PTPRN2: variants seen among roughly 807,000 people sequenced by gnomAD.
The protein encoded by PTPRN2 is receptor-type tyrosine-protein phosphatase N2.
In PTPRN2, 74 loss-of-function variants were observed where a neutral mutation model predicts 118.8. The ratio of observed to expected loss-of-function variants is 0.62; its 90% confidence interval spans 0.52 to 0.76. The LOEUF is 0.76. PTPRN2 is among the 30% of genes least tolerant of loss of function. The pLI is 0.00. For synonymous variants in PTPRN2, 641 were observed against 608.0 expected (o/e 1.05, Z -0.80); for missense variants, 1,481 against 1,394.4 (o/e 1.06, Z -0.99).
Position 158,059,356 on chromosome 7 carries a change from C to T in PTPRN2, c.1723+21942G>A, listed in dbSNP as rs1214900977. Among the ~76,000 whole-genome samples the T allele has an allele frequency of 2.0e-4, 26 of 130,218 alleles. 1 individual carries two copies. Among genetic ancestry groups the T allele is most frequent in the African/African-American group, 8.6e-4 (24 of 28,044 alleles). The allele number at this position is 130,218 out of a possible 152,430, so 85.4% of individuals were successfully genotyped here. A position where few individuals can be genotyped will look rare whatever the true frequency, so the allele number is the denominator to read the frequency against. ...TCACTGCAGCCACACTCCATCTGCA[C>T]ACGGTGACGCATCACTGCAGCCACA... On this transcript the variant is annotated intron_variant, in intron 11 of 22. Transcript: ENST00000389418.
At chr7:158,321,731 G>C (rs530628096) in intron 2 of PTPRN2, among the ~76,000 whole-genome samples, 1 of 152,352 alleles carries the variant, frequency 6.6e-6, no homozygotes, top group Non-Finnish European at 1.5e-5. Context: ...TATGAAAACT[G>C]TGGGCTCCCT....
intron 22 of PTPRN2, among the ~76,000 whole-genome samples, chr7:157,544,119 A>ACGGAGAGAGG (rs1563198774): frequency 7.5e-6 from 1 of 132,628 alleles, no homozygotes; most frequent in Non-Finnish European, 1.6e-5. Flanking sequence ...GTGGAGAGAG[A>ACGGAGAGAGG]TGGAGAGAGG....
intron 12 of PTPRN2, among the ~76,000 whole-genome samples, chr7:157,853,928 G>C (rs1007658641): frequency 1.3e-5 from 2 of 152,158 alleles, no homozygotes; most frequent in South Asian, 4.1e-4. Context: ...ATGCGGACAC[G>C]GGGCAGCCAC....
At chr7:157,914,650 G>T (rs1256487313) in intron 11 of PTPRN2, among the ~76,000 whole-genome samples, 1 of 151,704 alleles carries the variant, frequency 6.6e-6, no homozygotes. Flanking sequence ...TAGGCTTCTG[G>T]AATGCTTATG....
chr7:158,087,135 A>T (rs925015779), intron 10 of PTPRN2, among the ~76,000 whole-genome samples: 2 of 152,352 alleles, frequency 1.3e-5, no homozygotes, highest in East Asian at 3.9e-4. Flanking sequence ...TGCCCTGCTC[A>T]GTCAGGAGGG....
intron 1 of PTPRN2, among the ~76,000 whole-genome samples, chr7:158,522,566 G>T (rs1221260257): frequency 6.6e-6 from 1 of 152,126 alleles, no homozygotes; most frequent in Non-Finnish European, 1.5e-5. Flanking sequence ...CACTGTGTGT[G>T]TACAGCGAAT....
chr7:158,251,104 G>A (rs950402768), intron 3 of PTPRN2, among the ~76,000 whole-genome samples: 1 of 152,014 alleles, frequency 6.6e-6, no homozygotes, highest in Non-Finnish European at 1.5e-5. Flanking sequence ...AAGGGTAATG[G>A]GACACGCACA....
chr7:158,106,786 G>A (rs1009591360), intron 10 of PTPRN2, among the ~76,000 whole-genome samples: 1 of 152,162 alleles, frequency 6.6e-6, no homozygotes, highest in South Asian at 2.1e-4. Flanking sequence ...CACTAAAGAT[G>A]AAGTAGGCAA....
At chr7:158,458,979 G>C (rs1004647097) in intron 2 of PTPRN2, among the ~76,000 whole-genome samples, 1 of 152,204 alleles carries the variant, frequency 6.6e-6, no homozygotes, top group East Asian at 1.9e-4. Context: ...GGGAAGACAC[G>C]AGAGGCAGGA....
intron 21 of PTPRN2, among the ~76,000 whole-genome samples, chr7:157,555,738 G>C (rs149275424): frequency 0.019 from 2,951 of 152,334 alleles, 37 homozygotes; most frequent in Non-Finnish European, 0.031. Flanking sequence ...GTGTTCAAGA[G>C]AGAGAGGCCT....
At chr7:158,466,324 A>AC (rs1482714366) in intron 2 of PTPRN2, among the ~76,000 whole-genome samples, 1 of 147,256 alleles carries the variant, frequency 6.8e-6, no homozygotes, top group Non-Finnish European at 1.5e-5. Flanking sequence ...CGCCACTCCC[A>AC]CCCCCCAAAC....
rs1260832600 is a variant in PTPRN2, at chr7:157,937,317, C to A, written c.1724-38580G>T. ...GCTTATTTACCCAAAGTAAGCTGTG[C>A]TGGGGAAAGGAAGAGGAAGGTTTTG... On this transcript the variant is annotated intron_variant, in intron 11 of 22. Transcript: ENST00000389418. Among the ~76,000 whole-genome samples the A allele has an allele frequency of 2.6e-5, 4 of 152,132 alleles. No individual in the cohort carries two copies. The South Asian group carries it at 8.3e-4, about 32-fold the overall frequency.
intron 11 of PTPRN2, among the ~76,000 whole-genome samples, chr7:158,013,667 T>C (rs965907205): frequency 3.3e-4 from 50 of 151,530 alleles, no homozygotes; most frequent in African/African-American, 1.2e-3. Flanking sequence ...ATCTGTCTAT[T>C]TACCCATCCA....
At chr7:158,452,635 C>A (rs564825757) in intron 2 of PTPRN2, among the ~76,000 whole-genome samples, 2 of 152,312 alleles carry the variant, frequency 1.3e-5, no homozygotes, top group African/African-American at 4.8e-5. Context: ...CCAGCGGACA[C>A]CTCTGGGCTT....
chr7:158,115,114 C>A (rs1423473846), intron 9 of PTPRN2, among the ~76,000 whole-genome samples: 1 of 152,154 alleles, frequency 6.6e-6, no homozygotes, highest in Non-Finnish European at 1.5e-5. Context: ...CTGCAATGAG[C>A]TATGATTGCA....
At chr7:157,940,501 T>TC (rs1359709156) in intron 11 of PTPRN2, among the ~76,000 whole-genome samples, 1 of 142,136 alleles carries the variant, frequency 7.0e-6, no homozygotes, top group Non-Finnish European at 1.5e-5. Flanking sequence ...TCTAACACCC[T>TC]CCCCCTTGAC....
chr7:157,634,714 T>C (rs551741359), intron 14 of PTPRN2, among the ~76,000 whole-genome samples: 7 of 152,290 alleles, frequency 4.6e-5, no homozygotes, highest in Admixed American at 3.3e-4. Flanking sequence ...ATGAACTGCT[T>C]TCCAAAGAAC....
intron 11 of PTPRN2, among the ~76,000 whole-genome samples, chr7:157,988,030 C>G (rs544226340): frequency 6.6e-6 from 1 of 151,922 alleles, no homozygotes; most frequent in African/African-American, 2.4e-5. Context: ...TGCAGGGGAC[C>G]GGAGTCCTCA....
chr7:158,154,932 T>C (rs1400297496), intron 6 of PTPRN2, among the ~76,000 whole-genome samples: 1 of 152,082 alleles, frequency 6.6e-6, no homozygotes, highest in African/African-American at 2.4e-5. Context: ...TGAAGAGAAA[T>C]GAGGAAGTAT....
Sources: allele counts gnomAD v4.1 joint callset (sites outside exome capture counted in the v4.1 genomes callset), GRCh38; gene constraint gnomAD v4.1.1; transcripts MANE v1.5; gene names NCBI Gene and HGNC (gene_info 2026-07-23, HGNC 2026-07-21).